CNTNAP4: variants seen among roughly 807,000 people sequenced by gnomAD.
CNTNAP4 encodes the protein contactin-associated protein-like 4.
CNTNAP4 carries 98 observed loss-of-function variants against 148.4 expected under a neutral mutation model. That is an observed-to-expected ratio of 0.66 (90% CI 0.56 to 0.78). The LOEUF is 0.78. Among genes scored for constraint, CNTNAP4 ranks in the 30% least tolerant of loss-of-function variants. The probability of loss-of-function intolerance (pLI) is 0.00; values close to 1 mark genes in which losing one functional copy is unlikely to be tolerated. For missense variants in CNTNAP4, 1,935 were observed against 1,565.6 expected, an observed-to-expected ratio of 1.24 and a Z score of -3.98; for synonymous variants, 730 against 565.1, an observed-to-expected ratio of 1.29 and a Z score of -4.14.
intron 3 of CNTNAP4, among the ~76,000 whole-genome samples, chr16:76,387,137 A>C (rs2016580858): frequency 6.6e-6 from 1 of 152,170 alleles, no homozygotes; most frequent in Non-Finnish European, 1.5e-5. Flanking sequence ...GTAAGATAAT[A>C]AGTTTGTGTT....
At chr16:76,410,540 T>C (rs1451520485) in intron 3 of CNTNAP4, among the ~76,000 whole-genome samples, 1 of 151,752 alleles carries the variant, frequency 6.6e-6, no homozygotes, top group East Asian at 1.9e-4. Flanking sequence ...ATAAGCAGTT[T>C]ACACCAGTCT....
chr16:76,344,118 C>T (rs1751340729), intron 2 of CNTNAP4, among the ~76,000 whole-genome samples: 1 of 152,062 alleles, frequency 6.6e-6, no homozygotes, highest in African/African-American at 2.4e-5. Flanking sequence ...CCCTATCAGT[C>T]TATTGTAGAA....
Position 76,558,546 on chromosome 16 carries a change from A to G in CNTNAP4, c.3790A>G (p.Ile1264Val), listed in dbSNP as rs1013424268. 1.2e-6 allele frequency: 2 copies of G among 1,611,868 alleles called. No homozygotes were observed. The highest frequency in any genetic ancestry group is 1.3e-5 in the African/African-American group (1 of 74,862). Residue 1264 changes from isoleucine to valine, a missense_variant, in exon 24 of 24, where the codon ATT becomes GTT. Physicochemically the swap from Ile to Val is conservative, Grantham distance 29. Transcript: ENST00000611870. The stretch of plus-strand genomic sequence containing the variant: ...TTGCATCACTGCCATAGCTGTTCGC[A>G]TTTATCAGCAGAAAAGGTTATATAA... ...LLCITAIAVR[I>V]YQQKRLYKRS... is the part of the protein sequence containing the mutation.
chr16:76,514,801 T>C (rs1273841085), intron 15 of CNTNAP4, among the ~76,000 whole-genome samples: 2 of 152,242 alleles, frequency 1.3e-5, no homozygotes, highest in African/African-American at 4.8e-5. Context: ...CATAGGTTAT[T>C]GTGTTCTGAT....
intron 1 of CNTNAP4, among the ~76,000 whole-genome samples, chr16:76,314,831 A>C (rs1314875252): frequency 6.6e-6 from 1 of 152,150 alleles, no homozygotes; most frequent in Non-Finnish European, 1.5e-5. Context: ...CATCACATTA[A>C]AACTGTATAC....
At position 76,521,722 on chromosome 16, in the gene CNTNAP4, C is replaced by G. The variant is rs575987322; in HGVS notation, c.2537-317C>G. The stretch of plus-strand genomic sequence containing the variant: ...TAACAGTTATTTTTACGTACAATGC[C>G]AGTTGCTATTTAGTTTCCTTGCCTT... On this transcript the variant is annotated intron_variant, in intron 16 of 23. Transcript: ENST00000611870. Among the ~76,000 whole-genome samples the G allele has an allele frequency of 2.4e-3, 366 of 152,226 alleles. 2 individuals are homozygous for G. The highest frequency in any genetic ancestry group is 7.8e-3 in the African/African-American group (326 of 41,536).
chr16:76,469,330 C>T (rs2081287580), intron 10 of CNTNAP4, among the ~76,000 whole-genome samples: 1 of 152,172 alleles, frequency 6.6e-6, no homozygotes, highest in Admixed American at 6.5e-5. Flanking sequence ...TTGTTGTGAA[C>T]TTGTCCATAG....
intron 12 of CNTNAP4, among the ~76,000 whole-genome samples, chr16:76,483,499 T>C (rs576267338): frequency 2.0e-5 from 3 of 152,308 alleles, no homozygotes; most frequent in African/African-American, 7.2e-5. Flanking sequence ...TTCATTAACA[T>C]TGAGCTCATG....
At chr16:76,543,900 C>A (rs1284583536) in intron 21 of CNTNAP4, among the ~76,000 whole-genome samples, 4 of 152,088 alleles carry the variant, frequency 2.6e-5, no homozygotes, top group Non-Finnish European at 5.9e-5. Flanking sequence ...ATATGTTTTG[C>A]ATTTTTGTAA....
chr16:76,522,330 C>T (rs1054488295), intron 17 of CNTNAP4, 73 bp downstream of exon 17: 8 of 1,203,316 alleles, frequency 6.6e-6, no homozygotes, highest in Non-Finnish European at 9.6e-6. Context: ...AAAATAATAC[C>T]AACTATAGAA....
At chr16:76,387,261 T>G (rs1188099123) in intron 3 of CNTNAP4, among the ~76,000 whole-genome samples, 1 of 152,208 alleles carries the variant, frequency 6.6e-6, no homozygotes. Flanking sequence ...TGAAAATCCA[T>G]TAGGACACAC....
chr16:76,367,803 A>G (rs1485190825), intron 3 of CNTNAP4, among the ~76,000 whole-genome samples: 1 of 152,206 alleles, frequency 6.6e-6, no homozygotes, highest in Non-Finnish European at 1.5e-5. Flanking sequence ...CAGGAAAGCC[A>G]TCAGCTCCAG....
At chr16:76,460,006 A>C (rs5024163) in intron 8 of CNTNAP4, among the ~76,000 whole-genome samples, 2 of 152,092 alleles carry the variant, frequency 1.3e-5, no homozygotes, top group Admixed American at 1.3e-4. Flanking sequence ...ACATGTCTAC[A>C]TATATATAAA....
intron 1 of CNTNAP4, among the ~76,000 whole-genome samples, chr16:76,302,392 C>T (rs1243230130): frequency 6.6e-6 from 1 of 152,098 alleles, no homozygotes; most frequent in Admixed American, 6.6e-5. Flanking sequence ...GGAGCTGAAC[C>T]TCCGTTTATG....
chr16:76,489,786 C>A lies in CNTNAP4; in HGVS notation c.1983C>A (p.Ala661=). The change falls in exon 13 of 24, where the codon GCC becomes GCA. Residue 661 remains alanine (A), a synonymous_variant. Coordinates refer to ENST00000611870, the MANE Select transcript of CNTNAP4 (RefSeq NM_033401.5). ...ATGCTGGGTTTTTCGAGTATGTGGCCAGCATGGAGCAACTTCAGGCCACTA... is the reference window on the plus strand; with the variant it reads ...ATGCTGGGTTTTTCGAGTATGTGGCAAGCATGGAGCAACTTCAGGCCACTA... ...NPYAGFFEYV[A]SMEQLQATIN... is the part of the protein sequence containing the mutation. 1 of 1,605,574 alleles carries A rather than the reference C, an allele frequency of 6.2e-7. No homozygotes were observed. Among genetic ancestry groups the A allele is most frequent in the Non-Finnish European group, 8.5e-7 (1 of 1,175,708 alleles).
At chr16:76,428,797 A>T (rs1287606093) in intron 4 of CNTNAP4, among the ~76,000 whole-genome samples, 1 of 152,162 alleles carries the variant, frequency 6.6e-6, no homozygotes, top group African/African-American at 2.4e-5. Context: ...TCCTTTCTAT[A>T]ACTGTAGAAA....
intron 22 of CNTNAP4, 100 bp from the exon 23 acceptor site, chr16:76,553,736 C>T: frequency 1.1e-5 from 8 of 745,850 alleles, no homozygotes; most frequent in South Asian, 8.9e-5. Flanking sequence ...CCACATTCGC[C>T]TCCATAATTC....
intron 15 of CNTNAP4, among the ~76,000 whole-genome samples, chr16:76,499,783 A>G (rs1447113012): frequency 1.3e-5 from 2 of 151,486 alleles, no homozygotes; most frequent in South Asian, 2.1e-4. Context: ...GCTGCCTTCA[A>G]GCATCTGTTT....
At chr16:76,528,530 G>T (rs2083839121) in intron 17 of CNTNAP4, among the ~76,000 whole-genome samples, 2 of 152,176 alleles carry the variant, frequency 1.3e-5, no homozygotes, top group South Asian at 2.1e-4. Flanking sequence ...CTCCCAAAAT[G>T]CTGGGATTAC....
Sources: gnomAD v4.1 joint callset for allele counts (sites outside exome capture counted in the v4.1 genomes callset) on GRCh38, gnomAD v4.1.1 for gene constraint, MANE v1.5 for transcripts, NCBI Gene and HGNC (gene_info 2026-07-23, HGNC 2026-07-21) for gene names.